COL28A1: variants seen among roughly 807,000 people sequenced by gnomAD.
COL28A1 encodes the protein collagen alpha-1(XXVIII) chain.
Under a neutral mutation model 150.2 loss-of-function variants are expected in COL28A1, and 161 were observed. That is an observed-to-expected ratio of 1.07 (90% CI 0.94 to 1.22). The LOEUF is 1.22. Among genes scored for constraint, COL28A1 ranks in the 50% most tolerant of loss-of-function variants. COL28A1 has a pLI of 0.00. For synonymous variants in COL28A1, 552 were observed against 469.7 expected, an observed-to-expected ratio of 1.18 and a Z score of -2.26; for missense variants, 1,617 against 1,388.3, an observed-to-expected ratio of 1.16 and a Z score of -2.62.
At chr7:7,392,076 G>C (rs1204695985) in intron 27 of COL28A1, among the ~76,000 whole-genome samples, 1 of 152,170 alleles carries the variant, frequency 6.6e-6, no homozygotes, top group African/African-American at 2.4e-5. Context: ...CAGTGTCAAT[G>C]GTCTTTAGAA....
chr7:7,364,451 T>C (rs1227773278), intron 33 of COL28A1, among the ~76,000 whole-genome samples: 1 of 152,192 alleles, frequency 6.6e-6, no homozygotes, highest in Non-Finnish European at 1.5e-5. Flanking sequence ...TTATCTTCCA[T>C]TAATTCACCC....
chr7:7,540,500 A>T (rs1782765317), upstream of COL28A1, among the ~76,000 whole-genome samples: 1 of 152,190 alleles, frequency 6.6e-6, no homozygotes, highest in African/African-American at 2.4e-5. Context: ...AAAATAGAGG[A>T]CAGATATTAA....
At chr7:7,348,607 CTA>C in the COL28A1 span, among the ~76,000 whole-genome samples, 1 of 151,512 alleles carries the variant, frequency 6.6e-6, no homozygotes, top group African/African-American at 2.4e-5. Context: ...ATGTATATAT[CTA>C]TTTATTTTCT....
the COL28A1 span, among the ~76,000 whole-genome samples, chr7:7,542,883 T>C: frequency 6.6e-6 from 1 of 151,944 alleles, no homozygotes; most frequent in South Asian, 2.1e-4. Context: ...GTCTAAGAAA[T>C]ATTAAGAAGC....
chr7:7,428,200 T>TA (rs778445872), intron 25 of COL28A1, among the ~76,000 whole-genome samples: 2 of 152,218 alleles, frequency 1.3e-5, no homozygotes, highest in African/African-American at 2.4e-5. Context: ...CCAACAGACT[T>TA]ATGCCAACAA....
intron 27 of COL28A1, among the ~76,000 whole-genome samples, chr7:7,383,680 G>GTGTATA (rs1554262288): frequency 4.3e-5 from 2 of 46,352 alleles, no homozygotes; most frequent in Non-Finnish European, 1.0e-4. Flanking sequence ...GTGTGTGTGT[G>GTGTATA]TGTATATATA....
chr7:7,408,906 TTCTC>T (rs948078094), intron 27 of COL28A1, among the ~76,000 whole-genome samples: 65 of 152,140 alleles, frequency 4.3e-4, no homozygotes, highest in African/African-American at 1.4e-3. Context: ...TTGATTAGTT[TTCTC>T]TCTCTAACAT....
intron 27 of COL28A1, among the ~76,000 whole-genome samples, chr7:7,401,141 T>C (rs1783180837): frequency 6.6e-6 from 1 of 151,976 alleles, no homozygotes; most frequent in Non-Finnish European, 1.5e-5. Flanking sequence ...TTTCCTCACG[T>C]GGCTTCCAGG....
At chr7:7,541,097 G>T in the COL28A1 span, among the ~76,000 whole-genome samples, 1 of 152,102 alleles carries the variant, frequency 6.6e-6, no homozygotes, top group African/African-American at 2.4e-5. Context: ...AGAGCATTAA[G>T]TAACTTATTA....
intron 27 of COL28A1, among the ~76,000 whole-genome samples, chr7:7,385,463 A>G (rs71533369): frequency 0.13 from 19,554 of 152,210 alleles, 1,476 homozygotes; most frequent in African/African-American, 0.21. Context: ...AATTATCGCT[A>G]GGAGTTATAT....
At chr7:7,542,303 C>T in the COL28A1 span, among the ~76,000 whole-genome samples, 2 of 152,096 alleles carry the variant, frequency 1.3e-5, no homozygotes, top group Admixed American at 6.5e-5. Flanking sequence ...TGCACTCCGG[C>T]CTGGCCACAG....
the COL28A1 span, among the ~76,000 whole-genome samples, chr7:7,542,757 G>C: frequency 3.2e-4 from 48 of 152,194 alleles, no homozygotes; most frequent in African/African-American, 1.1e-3. Context: ...TCTGATTGCT[G>C]TGTGAATAAT....
chr7:7,454,962 G>A (rs1787026837), intron 16 of COL28A1, among the ~76,000 whole-genome samples: 1 of 152,130 alleles, frequency 6.6e-6, no homozygotes, highest in Admixed American at 6.5e-5. Flanking sequence ...CCAATGGCAA[G>A]GGAATGGAAA....
intron 15 of COL28A1, among the ~76,000 whole-genome samples, chr7:7,465,059 G>A (rs143092696): frequency 3.3e-5 from 5 of 152,200 alleles, no homozygotes. Flanking sequence ...AGAAAGCCTA[G>A]AGGAGATGAA....
chr7:7,535,213 C>T lies in COL28A1; in HGVS notation c.-38+537G>A, dbSNP rs146445726. ...ACAATCATAATTATTAATCAAATAC[C>T]GTAGTTTTACTTTTGGCCTAAAATT... On this transcript the variant is annotated intron_variant, in intron 1 of 34. Coordinates refer to ENST00000399429, the MANE Select transcript of COL28A1 (RefSeq NM_001037763.3). Among the ~76,000 whole-genome samples, 765 of 152,104 alleles carry T rather than the reference C, an allele frequency of 5.0e-3. 10 individuals are homozygous for T. Among genetic ancestry groups the T allele is most frequent in the African/African-American group, 0.017 (719 of 41,514 alleles).
the COL28A1 span, among the ~76,000 whole-genome samples, chr7:7,340,681 A>C: frequency 6.6e-6 from 1 of 151,682 alleles, no homozygotes; most frequent in Non-Finnish European, 1.5e-5. Flanking sequence ...ATCTTGATTC[A>C]TCTCTAATCT....
rs184758642 is a variant in COL28A1, at chr7:7,393,507, C to T, written c.2137-11895G>A. Among the ~76,000 whole-genome samples the T allele has an allele frequency of 3.9e-5, 6 of 152,338 alleles. No homozygotes were observed. In the East Asian group the frequency reaches 1.2e-3, roughly 29 times the overall value. On this transcript the variant is annotated intron_variant, in intron 27 of 34. Transcript: ENST00000399429. ...GGGCTGGGAGATGCACTGCTCTCTT[C>T]AAAGCCAGCAGGCAGGGATGTTTAA...
intron 13 of COL28A1, among the ~76,000 whole-genome samples, chr7:7,485,866 A>G (rs893258242): frequency 6.6e-6 from 1 of 152,158 alleles, no homozygotes; most frequent in African/African-American, 2.4e-5. Flanking sequence ...TATATAATAA[A>G]TCTTAAGACC....
intron 15 of COL28A1, among the ~76,000 whole-genome samples, chr7:7,459,172 C>G (rs1423566473): frequency 6.6e-6 from 1 of 152,190 alleles, no homozygotes; most frequent in East Asian, 1.9e-4. Flanking sequence ...GTAAAAATAA[C>G]ATGCACCATG....
Sources: gnomAD v4.1 joint callset for allele counts (sites outside exome capture counted in the v4.1 genomes callset) on GRCh38, gnomAD v4.1.1 for gene constraint, MANE v1.5 for transcripts, NCBI Gene and HGNC (gene_info 2026-07-23, HGNC 2026-07-21) for gene names.